Variants in EEF1D observed in about 807,000 individuals in gnomAD.
The protein encoded by EEF1D is eukaryotic translation elongation factor 1 delta, also known as elongation factor 1-delta.
A neutral mutation model predicts 63.9 loss-of-function variants in EEF1D; 47 were observed. The observed-to-expected ratio is 0.74, with a 90% CI of 0.58 to 0.94. EEF1D has a LOEUF of 0.94. EEF1D is among the 40% of genes least tolerant of loss of function. The pLI is 0.00. For synonymous variants in EEF1D, 412 were observed against 386.1 expected (o/e 1.07, Z -0.79); for missense variants, 907 against 899.0 (o/e 1.01, Z -0.11).
chr8:143,595,348 G>T (rs34203363), intron 1 of EEF1D, among the ~76,000 whole-genome samples: 4,282 of 152,010 alleles, frequency 0.028, 190 homozygotes, highest in African/African-American at 0.099. Flanking sequence ...TGGGATTACA[G>T]ACATGAGCCA....
At chr8:143,596,216 T>C (rs562549351) in intron 1 of EEF1D, 4 of 152,474 alleles carry the variant, frequency 2.6e-5, no homozygotes, top group African/African-American at 9.6e-5. Context: ...ACTGACTGCG[T>C]GTGAACCCTG....
At chr8:143,586,684 TGTCG>T in intron 4 of EEF1D, 41 bp downstream of exon 4, 1 of 1,602,136 alleles carries the variant, frequency 6.2e-7, no homozygotes, top group Non-Finnish European at 8.5e-7. Context: ...CGGCCACTCC[TGTCG>T]GGCAGCAGAG....
chr8:143,590,610 A>C, intron 2 of EEF1D: 1 of 1,024,622 alleles, frequency 9.8e-7, no homozygotes, highest in Non-Finnish European at 1.2e-6. Flanking sequence ...GTTCTTACAA[A>C]AGAAGGAGCC....
intron 5 of EEF1D, 67 bp from the exon 6 acceptor site, chr8:143,581,395 G>T: frequency 1.4e-6 from 2 of 1,418,592 alleles, no homozygotes; most frequent in Non-Finnish European, 1.9e-6. Context: ...GCCATGCTCA[G>T]GACTGCAGGA....
intron 3 of EEF1D, 175 bp downstream of exon 3, chr8:143,588,816 G>A: frequency 1.2e-6 from 1 of 867,852 alleles, no homozygotes; most frequent in Non-Finnish European, 1.7e-6. Flanking sequence ...GAACCCACAA[G>A]CGCAGCACCA....
rs1398984317 is a variant in EEF1D at position 143,589,235 on chromosome 8, T to C, written c.847A>G (p.Ile283Val). ...AGCCCGGCCCGCTTGTTCCCTAAGA[T>C]GTTGCGGCCCCGCCGGTCTCTGCGG... ...RGRRDRRGRN[I>V]LGNKRAGLRR... is the part of the protein sequence containing the mutation. The change falls in exon 3 of 10, where the codon ATC (isoleucine) becomes GTC (valine). Residue 283 changes from isoleucine to valine, a missense_variant. Ile to Val is a conservative substitution (Grantham distance 29). Transcript: ENST00000618139. 2.5e-6 allele frequency: 4 copies of C among 1,569,142 alleles called. No individual in the cohort carries two copies. The highest frequency in any genetic ancestry group is 2.3e-5 in the East Asian group (1 of 42,882).
At chr8:143,583,567 G>A (rs1825963100) in intron 5 of EEF1D, 1 of 152,266 alleles carries the variant, frequency 6.6e-6, no homozygotes, top group African/African-American at 2.4e-5. Flanking sequence ...CAAGCCAGGG[G>A]TGCAAGCCAG....
chr8:143,579,817 T>G lies in EEF1D; in HGVS notation c.1919A>C (p.Asp640Ala). The change falls in exon 10 of 10, where the codon GAT becomes GCT. Residue 640 changes from aspartate (D) to alanine (A), a missense_variant. Transcript: ENST00000618139. ...TCAGATCTTGTTGAAAGCTGCGATA[T>G]CGACACTCTGCACCTGAGGAGAGGC... ...TKFEEHVQSV[D>A]IAAFNKI 6.4e-7 allele frequency: 1 copy of G among 1,566,894 alleles called. No individual in the cohort carries two copies. The highest frequency in any genetic ancestry group is 8.7e-7 in the Non-Finnish European group (1 of 1,153,726).
Position 143,580,516 on chromosome 8 carries a change from T to C in EEF1D, c.1700A>G (p.Asp567Gly). 1 of 1,612,156 alleles carries C rather than the reference T, an allele frequency of 6.2e-7. No individual in the cohort carries two copies. Among genetic ancestry groups the C allele is most frequent in the East Asian group, 2.2e-5 (1 of 44,858 alleles). The change falls in exon 8 of 10, where the codon GAT becomes GGT. Residue 567 changes from aspartate to glycine, a missense_variant. Transcript: ENST00000618139. ...ACCCCGCCCACTCACAGGCTTGACA[T>C]CCAGCAGGATGGAGGACTTGGCCAC... Reference protein sequence around the residue: ...ALVAKSSILLDVKPWDDETDM... With the variant: ...ALVAKSSILLGVKPWDDETDM...
At chr8:143,592,389 G>A (rs1483685908) in intron 2 of EEF1D, among the ~76,000 whole-genome samples, 10 of 151,804 alleles carry the variant, frequency 6.6e-5, no homozygotes, top group Non-Finnish European at 1.3e-4. Flanking sequence ...ACTGCCACCT[G>A]TTCCCTGCAG....
Position 143,589,814 on chromosome 8 carries a change from G to A in EEF1D, c.268C>T (p.Arg90Cys), listed in dbSNP as rs765310456. 6.2e-6 allele frequency: 10 copies of A among 1,601,596 alleles called. No individual in the cohort carries two copies. The highest frequency in any genetic ancestry group is 2.2e-5 in the East Asian group (1 of 44,718). ...GGGCCGAGCCCGCTCTTGGGGGAGC[G>A]CTTCCTCTTTTTCTGCAGGGGCTTC... ...SRKPLQKKRKRSPKSGLGPAD... is the reference protein window; with the variant it reads ...SRKPLQKKRKCSPKSGLGPAD... Residue 90 changes from arginine (R) to cysteine (C), a missense_variant, in exon 3 of 10, where the codon CGC becomes TGC. Coordinates refer to ENST00000618139, the MANE Select transcript of EEF1D (RefSeq NM_001130053.5).
rs894350052 is a variant in EEF1D, at chr8:143,592,630, G to A, written c.-1+17C>T. 2 of 985,562 alleles carry A rather than the reference G, an allele frequency of 2.0e-6. No homozygotes were observed. Among genetic ancestry groups the A allele is most frequent in the African/African-American group, 3.5e-5 (2 of 57,244 alleles). The allele number at this position is 985,562 out of a possible 1,614,324, so 61.1% of individuals were successfully genotyped here. On this transcript the variant is annotated intron_variant, in intron 2 of 9. Coordinates refer to ENST00000618139, the MANE Select transcript of EEF1D (RefSeq NM_001130053.5). ...CAAATGAAGGGGAATGGGGCATGAGGACAGGCGAGTACTTACTTTGCTTTG... is the reference window on the plus strand; with the variant it reads ...CAAATGAAGGGGAATGGGGCATGAGAACAGGCGAGTACTTACTTTGCTTTG...
Position 143,580,534 on chromosome 8 carries a change from T to C in EEF1D, c.1682A>G (p.Lys561Arg), listed in dbSNP as rs1825244006. Reference protein sequence around the residue: ...KKAKKPALVAKSSILLDVKPW... With the variant: ...KKAKKPALVARSSILLDVKPW... The stretch of plus-strand genomic sequence containing the variant: ...CTTGACATCCAGCAGGATGGAGGAC[T>C]TGGCCACCAGTGCAGGCTTCTTGGC... Residue 561 changes from lysine (K) to arginine (R), a missense_variant, in exon 8 of 10, where the codon AAG becomes AGG. Coordinates refer to ENST00000618139, the MANE Select transcript of EEF1D (RefSeq NM_001130053.5). 6.2e-7 allele frequency: 1 copy of C among 1,612,898 alleles called. No homozygotes were observed. The highest frequency in any genetic ancestry group is 8.5e-7 in the Non-Finnish European group (1 of 1,179,834).
chr8:143,583,184 GAA>G (rs1249680378), intron 5 of EEF1D: 1 of 152,262 alleles, frequency 6.6e-6, no homozygotes, highest in Non-Finnish European at 1.5e-5. Context: ...ATGACCGTGT[GAA>G]GACATGGAGA....
chr8:143,588,949 CCA>C (rs751737327), intron 3 of EEF1D, 40 bp downstream of exon 3: 9 of 1,566,566 alleles, frequency 5.7e-6, no homozygotes, highest in Admixed American at 5.4e-5. Context: ...GTCCCTGTGC[CCA>C]CAGCCCAGGC....
At position 143,586,868 on chromosome 8, in the gene EEF1D, G is replaced by T. The variant is rs1345867894; in HGVS notation, c.1092-16C>A. 1 of 1,612,884 alleles carries T rather than the reference G, an allele frequency of 6.2e-7. No individual in the cohort carries two copies. Among genetic ancestry groups the T allele is most frequent in the South Asian group, 1.1e-5 (1 of 91,062 alleles). On this transcript the variant is annotated splice_polypyrimidine_tract_variant and intron_variant, in intron 3 of 9. Transcript: ENST00000618139. ...CATTTTTCTGCTGGGAGGGGAAAGAGGCAAAGTCAGCATGGCTGGGAAGTG... is the reference window on the plus strand; with the variant it reads ...CATTTTTCTGCTGGGAGGGGAAAGATGCAAAGTCAGCATGGCTGGGAAGTG...
intron 1 of EEF1D, among the ~76,000 whole-genome samples, chr8:143,593,429 C>T (rs1828298669): frequency 2.0e-5 from 3 of 152,224 alleles, no homozygotes; most frequent in Non-Finnish European, 4.4e-5. Flanking sequence ...GCCACCAGCC[C>T]ATGTCCTGGG....
chr8:143,580,440 G>T, intron 8 of EEF1D, 66 bp downstream of exon 8: 1 of 1,555,132 alleles, frequency 6.4e-7, no homozygotes, highest in Non-Finnish European at 8.8e-7. Flanking sequence ...AGGGTCACAG[G>T]CTGAGCCGGC....
At chr8:143,588,964 G>GGTCCCT in intron 3 of EEF1D, 27 bp downstream of exon 3, 7 of 1,584,356 alleles carry the variant, frequency 4.4e-6, no homozygotes, top group Non-Finnish European at 5.1e-6. Context: ...GCCCAGGCTG[G>GGTCCCT]GTGCCCACCC....
Sources: gnomAD v4.1 joint callset for allele counts (sites outside exome capture counted in the v4.1 genomes callset) on GRCh38, gnomAD v4.1.1 for gene constraint, MANE v1.5 for transcripts, NCBI Gene and HGNC (gene_info 2026-07-23, HGNC 2026-07-21) for gene names.